ALOX12: variants seen among roughly 807,000 people sequenced by gnomAD.
The protein encoded by ALOX12 is arachidonate 12-lipoxygenase, 12S type, also known as polyunsaturated fatty acid lipoxygenase ALOX12.
In ALOX12, 62 loss-of-function variants were observed where a neutral mutation model predicts 85.5. The ratio of observed to expected loss-of-function variants is 0.73; its 90% CI spans 0.59 to 0.90. The LOEUF is 0.90. Among genes scored for constraint, ALOX12 ranks in the 40% least tolerant of loss-of-function variants. The probability of loss-of-function intolerance (pLI) is 0.00; values close to 1 mark genes in which losing one functional copy is unlikely to be tolerated. For missense variants in ALOX12, 751 were observed against 856.5 expected (o/e 0.88, Z 1.54); for synonymous variants, 299 against 332.7 (o/e 0.90, Z 1.10).
chr17:7,001,573 G>GTCATATAC (rs753655393), intron 7 of ALOX12, 29 bp from the exon 8 acceptor site: 1 of 1,566,684 alleles, frequency 6.4e-7, no homozygotes, highest in Non-Finnish European at 8.8e-7. Context: ...TATACGGAAT[G>GTCATATAC]GGAGTTCAAT....
intron 11 of ALOX12, among the ~76,000 whole-genome samples, chr17:7,008,502 T>G (rs903863117): frequency 6.6e-6 from 1 of 152,176 alleles, no homozygotes; most frequent in African/African-American, 2.4e-5. Context: ...TCCCAGCACT[T>G]TAGGAGGCCA....
rs1908671533 is a variant in ALOX12, at chr17:7,000,851, A to G, written c.951+372A>G. 6.6e-6 allele frequency among the ~76,000 whole-genome samples: 1 copy of G among 152,150 alleles called. No individual in the cohort carries two copies. Among genetic ancestry groups the G allele is most frequent in the Non-Finnish European group, 1.5e-5 (1 of 68,036 alleles). ...TTATAAGTTCCAAAGTGATGCTGAC[A>G]CTACCAGTTCAGGACTACACTTTCA... On this transcript the variant is annotated intron_variant, in intron 7 of 13. Coordinates refer to ENST00000251535, the MANE Select transcript of ALOX12 (RefSeq NM_000697.3). This position sits in a 1 kb window ranked among gnomAD's most constrained non-coding sequence, Gnocchi z 4.6.
At position 7,009,533 on chromosome 17, in the gene ALOX12, C is replaced by CCTG. The variant is rs1909278365; in HGVS notation, c.1541-214_1541-213insCTG. 9.3e-6 allele frequency: 5 copies of CCTG among 536,220 alleles called. No homozygotes were observed. The South Asian group carries it at 1.2e-4, about 13-fold the overall frequency. 33.2% of individuals were successfully genotyped at this position (536,220 alleles called of 1,614,324 possible). On this transcript the variant is annotated intron_variant, in intron 11 of 13. Coordinates refer to ENST00000251535, the MANE Select transcript of ALOX12 (RefSeq NM_000697.3). ...TAATGTAGGTATCGTCCATATTTTA[C>CCTG]AGGTGAAAAAAACTGAGGTTCAAAT...
intron 8 of ALOX12, chr17:7,002,086 C>A: frequency 2.2e-6 from 1 of 458,068 alleles, no homozygotes. Context: ...AAGCCATATT[C>A]CTACCTTAGA....
chr17:7,006,549 G>A lies in ALOX12; in HGVS notation c.1482G>A (p.Glu494=). 2 of 1,613,682 alleles carry A rather than the reference G, an allele frequency of 1.2e-6. No individual in the cohort carries two copies. The highest frequency in any genetic ancestry group is 1.7e-6 in the Non-Finnish European group (2 of 1,179,788). The change falls in exon 11 of 14, where the codon GAG becomes GAA. Residue 494 remains glutamate (E), a synonymous_variant. Coordinates refer to ENST00000251535, the MANE Select transcript of ALOX12 (RefSeq NM_000697.3). Reference sequence around the variant, plus strand: ...ATGACATAGTGAAGGGGGACCCTGAGCTGCAGGCCTGGTGTCGGGAGATCA... The same window carrying A: ...ATGACATAGTGAAGGGGGACCCTGAACTGCAGGCCTGGTGTCGGGAGATCA... The part of the protein sequence containing the change: ...QRDDIVKGDP[E]LQAWCREITE...
chr17:6,996,945 C>A lies in ALOX12; in HGVS notation c.255C>A (p.Gly85=), dbSNP rs1192353702. The A allele has an allele frequency of 1.2e-6, 2 of 1,602,828 alleles. No individual in the cohort carries two copies. The highest frequency in any genetic ancestry group is 1.7e-6 in the Non-Finnish European group (2 of 1,174,758). The part of the protein sequence containing the change: ...AWFCDRITVQ[G]PGACAEVAFP... The stretch of plus-strand genomic sequence containing the variant: ...TCTGCGACCGCATCACGGTGCAGGG[C>A]CCTGGAGCCTGCGCGGAGGTGGCCT... Residue 85 remains glycine (G), a synonymous_variant, in exon 2 of 14, where the codon GGC becomes GGA. Transcript: ENST00000251535.
chr17:6,996,115 G>C lies in ALOX12; in HGVS notation c.-3G>C. 8.0e-7 allele frequency: 1 copy of C among 1,248,582 alleles called. No individual in the cohort carries two copies. Among genetic ancestry groups the C allele is most frequent in the South Asian group, 4.0e-5 (1 of 24,794 alleles). The allele number at this position is 1,248,582 out of a possible 1,614,324, so 77.3% of individuals were successfully genotyped here. ...CCCCTCGCCTAAGCTGCTGGGGGGC[G>C]CCATGGGCCGCTACCGCATCCGCGT... On this transcript the variant is annotated 5_prime_UTR_variant, in exon 1 of 14. Transcript: ENST00000251535.
In ALOX12 at chr17:6,997,018, G is replaced by T. The variant is rs1402394653; in HGVS notation, c.328G>T (p.Glu110Ter). 6.5e-7 allele frequency: 1 copy of T among 1,540,902 alleles called. No individual in the cohort carries two copies. Among genetic ancestry groups the T allele is most frequent in the South Asian group, 1.2e-5 (1 of 84,178 alleles). ...GGGCGAGGACATCCTGAGCCTGCCC[G>T]AGGGCACCGGTGAGCAGGCGGCGTC... ...VQGEDILSLP[E>*]GTARLPGDNA... Residue 110 changes from glutamate (E) to a stop codon, truncating the protein, a stop_gained, in exon 2 of 14, where the codon GAG (glutamate) becomes TAG (stop). Transcript: ENST00000251535. LOFTEE classifies it high-confidence loss of function.
Position 7,010,715 on chromosome 17 carries a change from A to C in ALOX12, c.*292A>C, listed in dbSNP as rs1190791967. On this transcript the variant is annotated 3_prime_UTR_variant, in exon 14 of 14. Transcript: ENST00000251535. ...ATGGAAATGAGTGTGACTATGTTCCAATAAAACTTTATGGACACTGAGATA... is the reference window on the plus strand; with the variant it reads ...ATGGAAATGAGTGTGACTATGTTCCCATAAAACTTTATGGACACTGAGATA... 1 of 301,382 alleles carries C rather than the reference A, an allele frequency of 3.3e-6. No individual in the cohort carries two copies. The highest frequency in any genetic ancestry group is 2.2e-5 in the African/African-American group (1 of 46,496). The allele number at this position is 301,382 out of a possible 1,614,324, so 18.7% of individuals were successfully genotyped here.
rs1180663343 is a variant in ALOX12 at position 7,010,322 on chromosome 17, TTGGAAAAGC to T, written c.1900_1908del (p.Leu634_Lys636del). 1 of 1,614,168 alleles carries T rather than the reference TTGGAAAAGC, an allele frequency of 6.2e-7. No individual in the cohort carries two copies. The highest frequency in any genetic ancestry group is 2.2e-5 in the East Asian group (1 of 44,880). On this transcript the variant is annotated inframe_deletion, in exon 14 of 14. Transcript: ENST00000251535. Reference sequence around the variant, plus strand: ...TGTGCTAAACCAATTCCGAACAGATTTGGAAAAGCTGGAAAAGGAGATTACAGCCCGGAA... The same window carrying T: ...TGTGCTAAACCAATTCCGAACAGATTTGGAAAAGGAGATTACAGCCCGGAA...
intron 12 of ALOX12, 26 bp downstream of exon 12, chr17:7,009,873 C>T (rs1909296347): frequency 1.2e-6 from 2 of 1,613,734 alleles, no homozygotes; most frequent in African/African-American, 2.7e-5. Flanking sequence ...AGCCCAGGTC[C>T]CTGAAGGCAA....
chr17:7,004,382 T>G (rs1330830124), intron 8 of ALOX12, among the ~76,000 whole-genome samples: 1 of 138,722 alleles, frequency 7.2e-6, no homozygotes, highest in Admixed American at 7.5e-5. Context: ...TTAATTTAAT[T>G]TAATTTAATA....
intron 1 of ALOX12, 23 bp downstream of exon 1, chr17:6,996,275 G>A: frequency 8.1e-7 from 1 of 1,228,508 alleles, no homozygotes. Flanking sequence ...AGCGAGGGGA[G>A]CTAGGGCAGC....
chr17:7,001,434 C>T, intron 7 of ALOX12, 168 bp from the exon 8 acceptor site: 1 of 690,204 alleles, frequency 1.4e-6, no homozygotes, highest in Non-Finnish European at 2.5e-6. Flanking sequence ...CACCTGACAT[C>T]AGGGCACTCC....
At chr17:6,997,091 C>T in intron 2 of ALOX12, 64 bp downstream of exon 2, 1 of 1,485,374 alleles carries the variant, frequency 6.7e-7, no homozygotes, top group Non-Finnish European at 9.0e-7. Flanking sequence ...GCTAGGAGGG[C>T]AGAGTTAAGG....
chr17:7,001,043 T>C (rs1597320775), intron 7 of ALOX12: 1 of 155,352 alleles, frequency 6.4e-6, no homozygotes, highest in East Asian at 1.9e-4. Flanking sequence ...GCCTCCTGGG[T>C]TCAAGCAATT....
At position 7,006,266 on chromosome 17, in the gene ALOX12, T is replaced by A. The variant is rs571966140; in HGVS notation, c.1419-220T>A. 5.3e-4 allele frequency among the ~76,000 whole-genome samples: 80 copies of A among 151,156 alleles called. No individual in the cohort carries two copies. The South Asian group carries it at 7.5e-3, about 14-fold the overall frequency. On this transcript the variant is annotated intron_variant, in intron 10 of 13. Coordinates refer to ENST00000251535, the MANE Select transcript of ALOX12 (RefSeq NM_000697.3). ...AGACTGGGGGAGGTGTCTGGAAAAA[T>A]CAGGATTTTCTGACGATGTATGACA...
chr17:7,005,724 C>A, intron 9 of ALOX12, 134 bp from the exon 10 acceptor site: 1 of 881,042 alleles, frequency 1.1e-6, no homozygotes, highest in South Asian at 1.6e-5. Context: ...CATGATCCAC[C>A]CACCTCAGCC....
chr17:7,005,152 G>C (rs569203536), intron 8 of ALOX12, 105 bp from the exon 9 acceptor site: 1 of 993,520 alleles, frequency 1.0e-6, no homozygotes. Flanking sequence ...AGCCTGTAAA[G>C]GAAAGCATCA....
Sources: gnomAD v4.1 joint callset for allele counts (sites outside exome capture counted in the v4.1 genomes callset) on GRCh38, gnomAD v4.1.1 for gene constraint, Gnocchi (gnomAD v3.1) non-coding constraint, MANE v1.5 for transcripts, NCBI Gene and HGNC (gene_info 2026-07-23, HGNC 2026-07-21) for gene names.